AMPH: variants seen among roughly 807,000 people sequenced by gnomAD.
The protein encoded by AMPH is amphiphysin (Stiff-Mann syndrome with breast cancer 128kD autoantigen).
In AMPH, 49 loss-of-function variants were observed where a neutral mutation model predicts 99.1. That is an observed-to-expected ratio of 0.49 (90% CI 0.39 to 0.63). The LOEUF (loss-of-function observed/expected upper bound fraction) is 0.63. AMPH is among the 20% of genes least tolerant of loss of function. The pLI is 0.00. For synonymous variants in AMPH, 314 were observed against 317.3 expected, an observed-to-expected ratio of 0.99 and a Z score of 0.11; for missense variants, 759 against 863.4, an observed-to-expected ratio of 0.88 and a Z score of 1.52.
chr7:38,506,754 T>C (rs1007278182), intron 2 of AMPH, among the ~76,000 whole-genome samples: 1 of 152,178 alleles, frequency 6.6e-6, no homozygotes, highest in African/African-American at 2.4e-5. Flanking sequence ...AGAGAAACCA[T>C]TATTTTACAA....
chr7:38,545,160 C>A (rs1342898023), intron 1 of AMPH, among the ~76,000 whole-genome samples: 1 of 152,182 alleles, frequency 6.6e-6, no homozygotes, highest in African/African-American at 2.4e-5. Flanking sequence ...TGGTGGTCTA[C>A]ATTCCTAGAA....
At chr7:38,422,623 A>G in intron 15 of AMPH, 146 bp from the exon 16 acceptor site, 1 of 661,352 alleles carries the variant, frequency 1.5e-6, no homozygotes, top group South Asian at 1.9e-5. Context: ...TCGACACTCT[A>G]TCTATCTAAT....
At chr7:38,444,986 T>TATCC (rs1169443566) in intron 11 of AMPH, among the ~76,000 whole-genome samples, 4 of 8,950 alleles carry the variant, frequency 4.5e-4, no homozygotes, top group African/African-American at 1.3e-3. Flanking sequence ...TATCCATATA[T>TATCC]ATACATATAT....
chr7:38,611,192 C>CGAAAGAATCTCATCACA (rs1164907037), intron 1 of AMPH, among the ~76,000 whole-genome samples: 2 of 152,004 alleles, frequency 1.3e-5, no homozygotes, highest in Non-Finnish European at 2.9e-5. Context: ...TTAAGCTAAG[C>CGAAAGAATCTCATCACA]GAAAGAATCT....
chr7:38,412,464 G>T (rs1203143518), intron 17 of AMPH, among the ~76,000 whole-genome samples: 3 of 152,226 alleles, frequency 2.0e-5, no homozygotes, highest in Admixed American at 6.5e-5. Context: ...AGGCAGGGAA[G>T]ATGCCGCTAC....
intron 1 of AMPH, among the ~76,000 whole-genome samples, chr7:38,598,060 G>A (rs772959929): frequency 5.9e-5 from 9 of 152,064 alleles, no homozygotes; most frequent in Admixed American, 1.3e-4. Context: ...TGAGTTGTTG[G>A]CCCAAATAGA....
chr7:38,558,822 T>C (rs1452355366), intron 1 of AMPH, among the ~76,000 whole-genome samples: 4 of 152,184 alleles, frequency 2.6e-5, no homozygotes, highest in Admixed American at 1.3e-4. Context: ...AAAAGGCATC[T>C]AGAGTGACAA....
chr7:38,406,307 C>T (rs1399962131), intron 17 of AMPH, among the ~76,000 whole-genome samples: 2 of 151,790 alleles, frequency 1.3e-5, no homozygotes, highest in African/African-American at 4.8e-5. Flanking sequence ...CCTCAAGGAA[C>T]TAGAAAAATA....
chr7:38,421,125 A>G, intron 16 of AMPH: 1 of 452,882 alleles, frequency 2.2e-6, no homozygotes, highest in Non-Finnish European at 4.5e-6. Flanking sequence ...GAGAATACAT[A>G]CAAACAGAAG....
chr7:38,594,101 A>G (rs529793965), intron 1 of AMPH, among the ~76,000 whole-genome samples: 4 of 152,272 alleles, frequency 2.6e-5, no homozygotes, highest in Non-Finnish European at 2.9e-5. Flanking sequence ...CAGGAAGCGA[A>G]GCTGGGAGAC....
Position 38,534,924 on chromosome 7 carries a change from G to T in AMPH, c.150+7C>A, listed in dbSNP as rs1474578306. 2 of 1,611,448 alleles carry T rather than the reference G, an allele frequency of 1.2e-6. No homozygotes were observed. Among genetic ancestry groups the T allele is most frequent in the Admixed American group, 3.3e-5 (2 of 59,924 alleles). Reference sequence around the variant, plus strand: ...TCCCACTCCAGAAACTAAACAAATGGACTCACTTCTTGCCGTTTGAAGTTC... The same window carrying T: ...TCCCACTCCAGAAACTAAACAAATGTACTCACTTCTTGCCGTTTGAAGTTC... On this transcript the variant is annotated splice_region_variant and intron_variant, in intron 2 of 20. Coordinates refer to ENST00000356264, the MANE Select transcript of AMPH (RefSeq NM_001635.4).
chr7:38,445,041 T>TACAC (rs1554337451), intron 11 of AMPH, among the ~76,000 whole-genome samples: 7 of 130,240 alleles, frequency 5.4e-5, no homozygotes, highest in Non-Finnish European at 1.1e-4. Context: ...TACATATATA[T>TACAC]ACATATATAG....
At chr7:38,393,317 C>A (rs955688653) in intron 18 of AMPH, among the ~76,000 whole-genome samples, 2 of 152,188 alleles carry the variant, frequency 1.3e-5, no homozygotes, top group Admixed American at 1.3e-4. Flanking sequence ...CAGAAGAAAA[C>A]AATGCATACC....
intron 1 of AMPH, among the ~76,000 whole-genome samples, chr7:38,563,591 A>G (rs1791629584): frequency 6.6e-6 from 1 of 152,180 alleles, no homozygotes; most frequent in African/African-American, 2.4e-5. Context: ...GGCTCAGTAA[A>G]TATTTGGGGA....
chr7:38,422,320 C>A (rs986371543), intron 16 of AMPH, 101 bp downstream of exon 16: 1 of 954,100 alleles, frequency 1.0e-6, no homozygotes, highest in African/African-American at 1.7e-5. Context: ...CCAGAAACCA[C>A]ATTCTGGATA....
chr7:38,604,720 C>T (rs1045069992), intron 1 of AMPH, among the ~76,000 whole-genome samples: 1 of 152,210 alleles, frequency 6.6e-6, no homozygotes, highest in African/African-American at 2.4e-5. Context: ...AAAAGCTCTA[C>T]ACCAAATGAA....
intron 1 of AMPH, among the ~76,000 whole-genome samples, chr7:38,552,617 C>T (rs567422439): frequency 3.5e-4 from 53 of 152,300 alleles, no homozygotes; most frequent in African/African-American, 1.3e-3. Context: ...TGTGCCCAAA[C>T]ACAATCTCTA....
chr7:38,396,919 G>T lies in AMPH; in HGVS notation c.1399-2705C>A, dbSNP rs183468484. On this transcript the variant is annotated intron_variant, in intron 17 of 20. Coordinates refer to ENST00000356264, the MANE Select transcript of AMPH (RefSeq NM_001635.4). ...GTTAAAAACTATACTGAAAGAAAATGTGCATGCAATAAACTTATGAGCTCA... is the reference window on the plus strand; with the variant it reads ...GTTAAAAACTATACTGAAAGAAAATTTGCATGCAATAAACTTATGAGCTCA... Among the ~76,000 whole-genome samples the T allele has an allele frequency of 1.8e-3, 276 of 152,312 alleles. 2 individuals carry two copies. The highest frequency in any genetic ancestry group is 6.8e-3 in the Middle Eastern group (2 of 294).
intron 4 of AMPH, among the ~76,000 whole-genome samples, chr7:38,491,703 A>T (rs921813913): frequency 1.3e-5 from 2 of 152,220 alleles, no homozygotes; most frequent in African/African-American, 4.8e-5. Flanking sequence ...CATTCTCAAA[A>T]ATTGTTTTAT....
Sources: allele counts gnomAD v4.1 joint callset (sites outside exome capture counted in the v4.1 genomes callset), GRCh38; gene constraint gnomAD v4.1.1; transcripts MANE v1.5; gene names NCBI Gene and HGNC (gene_info 2026-07-23, HGNC 2026-07-21).